DNAH7: variants seen among roughly 807,000 people sequenced by gnomAD.
DNAH7 encodes dynein axonemal heavy chain 7, also known as axonemal beta dynein heavy chain 7.
DNAH7 carries 397 observed loss-of-function variants against 444.6 expected under a neutral mutation model. That is an observed-to-expected ratio of 0.89 (90% confidence interval 0.82 to 0.97). DNAH7 has a LOEUF of 0.97. Ranked by LOEUF, DNAH7 falls within the 50% of genes least tolerant of loss-of-function variation. The pLI, the probability that DNAH7 is intolerant of heterozygous loss-of-function variation, is 0.00. For missense variants in DNAH7, 4,902 were observed against 4,800.8 expected, an observed-to-expected ratio of 1.02 and a Z score of -0.62; for synonymous variants, 1,636 against 1,624.4, an observed-to-expected ratio of 1.01 and a Z score of -0.17.
chr2:195,828,012 A>C (rs561334473), intron 48 of DNAH7, among the ~76,000 whole-genome samples: 230 of 152,336 alleles, frequency 1.5e-3, no homozygotes, highest in Admixed American at 2.9e-3. Flanking sequence ...ATCCTGCTTT[A>C]GGCATTGTAA....
Position 195,799,489 on chromosome 2 carries a change from AT to A in DNAH7, c.10177-18del, listed in dbSNP as rs1696346772. ...TGGAATAACCTAGAAAGAGACAAGG[AT>A]ATAGTTGGAAGAATATTCAAAATCT... On this transcript the variant is annotated intron_variant, in intron 54 of 64. Transcript: ENST00000312428. 1 of 1,535,800 alleles carries A rather than the reference AT, an allele frequency of 6.5e-7. No homozygotes were observed. The highest frequency in any genetic ancestry group is 8.7e-7 in the Non-Finnish European group (1 of 1,143,964).
intron 49 of DNAH7, among the ~76,000 whole-genome samples, chr2:195,818,765 C>T (rs1559118947): frequency 6.6e-6 from 1 of 152,076 alleles, no homozygotes. Flanking sequence ...CCAATGAACC[C>T]GTAAGTCAAT....
At chr2:195,923,484 A>G in intron 23 of DNAH7, 111 bp downstream of exon 23, 1 of 1,001,166 alleles carries the variant, frequency 1.0e-6, no homozygotes, top group Admixed American at 2.2e-5. Context: ...GTCTGCCATC[A>G]GCAAAAGATC....
intron 1 of DNAH7, 95 bp downstream of exon 1, chr2:196,068,602 G>A (rs1246392264): frequency 6.6e-7 from 1 of 1,507,300 alleles, no homozygotes; most frequent in South Asian, 1.2e-5. Context: ...AGTCACAGCT[G>A]GGGAGTTCGC....
chr2:195,956,010 A>G (rs2125505084), intron 19 of DNAH7, among the ~76,000 whole-genome samples: 1 of 152,306 alleles, frequency 6.6e-6, no homozygotes, highest in East Asian at 1.9e-4. Flanking sequence ...TTTGGTTTAT[A>G]AAAAGATTTG....
intron 12 of DNAH7, among the ~76,000 whole-genome samples, chr2:195,988,469 T>C (rs989874596): frequency 1.3e-5 from 2 of 152,060 alleles, no homozygotes; most frequent in Non-Finnish European, 2.9e-5. Flanking sequence ...TTTTTCTGTA[T>C]GGATGAAAGA....
intron 61 of DNAH7, among the ~76,000 whole-genome samples, chr2:195,760,183 G>A (rs1694284580): frequency 1.3e-5 from 2 of 151,846 alleles, no homozygotes; most frequent in Admixed American, 1.3e-4. Context: ...CTGTGGAAAG[G>A]GGAAAGAAGA....
At chr2:196,002,290 T>C (rs1694083327) in intron 10 of DNAH7, among the ~76,000 whole-genome samples, 1 of 151,642 alleles carries the variant, frequency 6.6e-6, no homozygotes, top group Non-Finnish European at 1.5e-5. Flanking sequence ...GGTTGTTTCA[T>C]GCTATTCTAT....
At chr2:196,042,849 G>A (rs574486699) in intron 5 of DNAH7, among the ~76,000 whole-genome samples, 1 of 152,118 alleles carries the variant, frequency 6.6e-6, no homozygotes, top group South Asian at 2.1e-4. Context: ...TCAGCTATCT[G>A]CCCAGCAAAA....
intron 1 of DNAH7, among the ~76,000 whole-genome samples, chr2:196,064,875 A>T (rs1283697434): frequency 6.6e-6 from 1 of 152,190 alleles, no homozygotes; most frequent in Non-Finnish European, 1.5e-5. Flanking sequence ...ATTACAAAAG[A>T]TGTCTCAGCG....
At chr2:195,936,514 T>G in intron 20 of DNAH7, 85 bp downstream of exon 20, 1 of 820,794 alleles carries the variant, frequency 1.2e-6, no homozygotes, top group East Asian at 3.0e-5. Flanking sequence ...TAAACATGAT[T>G]ATATATATTT....
At chr2:195,940,572 T>C (rs938848942) in intron 19 of DNAH7, among the ~76,000 whole-genome samples, 1 of 151,988 alleles carries the variant, frequency 6.6e-6, no homozygotes, top group South Asian at 2.1e-4. Context: ...AAATAAACTA[T>C]CATCAGAGTG....
chr2:196,068,649 G>A (rs1356795121), intron 1 of DNAH7, 48 bp downstream of exon 1: 1 of 1,549,780 alleles, frequency 6.5e-7, no homozygotes, highest in Admixed American at 2.0e-5. Flanking sequence ...CGAAACGCCT[G>A]GGAAGCGTCG....
chr2:196,005,619 G>A (rs1316547854), intron 10 of DNAH7, among the ~76,000 whole-genome samples: 4 of 151,588 alleles, frequency 2.6e-5, no homozygotes, highest in South Asian at 2.1e-4. Context: ...TAGAAAAAAC[G>A]GACAAATTCT....
chr2:195,934,932 AAAC>A (rs1688950497), intron 20 of DNAH7, 143 bp from the exon 21 acceptor site: 1 of 802,640 alleles, frequency 1.2e-6, no homozygotes, highest in African/African-American at 1.7e-5. Context: ...CAAAACAAAC[AAAC>A]AAAAAACACA....
At position 195,794,659 on chromosome 2, in the gene DNAH7, T is replaced by C. The variant is rs1362221696; in HGVS notation, c.10516-121A>G. The C allele has an allele frequency of 8.7e-5, 77 of 880,498 alleles. 1 individual carries two copies. The East Asian group carries it at 1.8e-3, about 20-fold the overall frequency. The allele number at this position is 880,498 out of a possible 1,614,324, so 54.5% of individuals were successfully genotyped here. A position where few individuals can be genotyped will look rare whatever the true frequency, so the allele number is the denominator to read the frequency against. ...TATTTTTACAAAGTAGAAATGTAAC[T>C]GCTGCAATTTTCAGCAAAAGCTTTA... is the stretch of plus-strand genomic sequence containing the variant. On this transcript the variant is annotated intron_variant, in intron 56 of 64. Transcript: ENST00000312428.
chr2:195,975,331 C>A (rs1309963839), intron 15 of DNAH7, among the ~76,000 whole-genome samples: 2 of 151,940 alleles, frequency 1.3e-5, no homozygotes, highest in African/African-American at 4.8e-5. Context: ...CTCGGTGCTG[C>A]CAACATGCAC....
intron 24 of DNAH7, among the ~76,000 whole-genome samples, chr2:195,919,155 C>A (rs1687867107): frequency 6.7e-6 from 1 of 149,860 alleles, no homozygotes; most frequent in South Asian, 2.1e-4. Flanking sequence ...GAGACTGAGG[C>A]AGGAGAATCA....
rs1331878103 is a variant in DNAH7, at chr2:196,048,264, TTAAATCTAATTTAGAA to T, written c.250+16_250+31del. The T allele has an allele frequency of 6.5e-7, 1 of 1,550,034 alleles. No individual in the cohort carries two copies. The highest frequency in any genetic ancestry group is 1.4e-5 in the African/African-American group (1 of 73,594). On this transcript the variant is annotated intron_variant, in intron 4 of 64. Coordinates refer to ENST00000312428, the MANE Select transcript of DNAH7 (RefSeq NM_018897.3). Reference sequence around the variant, plus strand: ...TCTGGTCTCTCTCTACAAATTATCCTTAAATCTAATTTAGAATATTGAAGTTCTTACCATGGGACTG... The same window carrying T: ...TCTGGTCTCTCTCTACAAATTATCCTTATTGAAGTTCTTACCATGGGACTG...
Sources: gnomAD v4.1 joint callset for allele counts (sites outside exome capture counted in the v4.1 genomes callset) on GRCh38, gnomAD v4.1.1 for gene constraint, MANE v1.5 for transcripts, NCBI Gene and HGNC (gene_info 2026-07-23, HGNC 2026-07-21) for gene names.